The following FKBP10 variants were observed in gnomAD, a reference collection of about 807,000 sequenced individuals.
FKBP10 encodes the protein peptidyl-prolyl cis-trans isomerase FKBP10.
FKBP10 carries 34 observed loss-of-function variants against 53.7 expected under a neutral mutation model. The ratio of observed to expected loss-of-function variants is 0.63; its 90% CI spans 0.48 to 0.84. FKBP10 has a LOEUF of 0.84. FKBP10 is among the 40% of genes least tolerant of loss of function. FKBP10 has a pLI of 0.00. For synonymous variants in FKBP10, 324 were observed against 335.7 expected (o/e 0.97, Z 0.38); for missense variants, 748 against 797.8 (o/e 0.94, Z 0.75).
At position 41,819,396 on chromosome 17, in the gene FKBP10, C is replaced by G. The variant is rs782727657; in HGVS notation, c.914C>G (p.Ser305Cys). The change falls in exon 5 of 10, where the codon TCC (serine) becomes TGC (cysteine). Residue 305 changes from serine (S) to cysteine (C), a missense_variant. By Grantham distance (112) the Ser-to-Cys change is moderately radical. Coordinates refer to ENST00000321562, the MANE Select transcript of FKBP10 (RefSeq NM_021939.4). Reference sequence around the variant, plus strand: ...TTGATGGACGGCACCCTCTTCGATTCCAGGTCAGGAGGGTCTTGAGGTGGG... The same window carrying G: ...TTGATGGACGGCACCCTCTTCGATTGCAGGTCAGGAGGGTCTTGAGGTGGG... Reference protein sequence around the residue: ...GSLMDGTLFDSSYSRNHTYNT... With the variant: ...GSLMDGTLFDCSYSRNHTYNT... 2.5e-6 allele frequency: 4 copies of G among 1,614,032 alleles called. No individual in the cohort carries two copies. The highest frequency in any genetic ancestry group is 3.4e-6 in the Non-Finnish European group (4 of 1,179,972).
chr17:41,818,444 A>G lies in FKBP10; in HGVS notation c.644A>G (p.Asp215Gly), dbSNP rs1742300669. 1 of 1,614,040 alleles carries G rather than the reference A, an allele frequency of 6.2e-7. No individual in the cohort carries two copies. The highest frequency in any genetic ancestry group is 1.3e-5 in the African/African-American group (1 of 74,932). The change falls in exon 4 of 10, where the codon GAC becomes GGC. Residue 215 changes from aspartate to glycine, a missense_variant. Physicochemically the swap from Asp to Gly is moderately conservative, Grantham distance 94. Coordinates refer to ENST00000321562, the MANE Select transcript of FKBP10 (RefSeq NM_021939.4). ...VGSGWLIKGM[D>G]QGLLGMCPGE... ...TCTGGTTGGCTGATCAAGGGCATGG[A>G]CCAGGGGCTGCTGGGCATGTGTCCT... is the stretch of plus-strand genomic sequence containing the variant.
chr17:41,813,731 G>A (rs2047779468), intron 1 of FKBP10, among the ~76,000 whole-genome samples: 2 of 152,174 alleles, frequency 1.3e-5, no homozygotes, highest in African/African-American at 4.8e-5. Flanking sequence ...CAGAGAAGAG[G>A]GAATAGAACT....
chr17:41,818,471 G>T lies in FKBP10; in HGVS notation c.671G>T (p.Gly224Val). The T allele has an allele frequency of 2.5e-6, 4 of 1,614,232 alleles. No homozygotes were observed. The highest frequency in any genetic ancestry group is 3.4e-6 in the Non-Finnish European group (4 of 1,180,044). ...CAGGGGCTGCTGGGCATGTGTCCTG[G>T]AGAGAGAAGGAAGATTATCATCCCT... ...MDQGLLGMCPGERRKIIIPPF... is the reference protein window; with the variant it reads ...MDQGLLGMCPVERRKIIIPPF... The change falls in exon 4 of 10, where the codon GGA becomes GTA. Residue 224 changes from glycine (G) to valine (V), a missense_variant. Coordinates refer to ENST00000321562, the MANE Select transcript of FKBP10 (RefSeq NM_021939.4).
rs782455468 is a variant in FKBP10 at position 41,818,115 on chromosome 17, C to T, written c.418C>T (p.Leu140Phe). 16 of 1,613,030 alleles carry T rather than the reference C, an allele frequency of 9.9e-6. No homozygotes were observed. The highest frequency in any genetic ancestry group is 1.3e-5 in the Non-Finnish European group (15 of 1,179,630). ...GGGGCTCATTCCACCGGATGCCACC[C>T]TCTACTTCGATGTGGTTCTGCTGGA... ...LAGLIPPDATLYFDVVLLDVW... is the reference protein window; with the variant it reads ...LAGLIPPDATFYFDVVLLDVW... The change falls in exon 3 of 10, where the codon CTC becomes TTC. Residue 140 changes from leucine to phenylalanine, a missense_variant. Transcript: ENST00000321562.
At chr17:41,818,853 G>A in intron 4 of FKBP10, 1 of 422,238 alleles carries the variant, frequency 2.4e-6, no homozygotes, top group Non-Finnish European at 4.4e-6. Flanking sequence ...TACTCGGAGA[G>A]GCTGAGGCAG....
chr17:41,817,779 C>G lies in FKBP10; in HGVS notation c.392-310C>G, dbSNP rs748531106. On this transcript the variant is annotated intron_variant, in intron 2 of 9. Transcript: ENST00000321562. ...AATAGCTGGGACTACAGGTGCACAC[C>G]ACCACACGTGGCTAATTTTTTGTAT... Among the ~76,000 whole-genome samples the G allele has an allele frequency of 9.8e-4, 149 of 152,018 alleles. 1 individual carries two copies. The highest frequency in any genetic ancestry group is 1.7e-3 in the Non-Finnish European group (118 of 67,962).
chr17:41,821,136 T>C, intron 8 of FKBP10, 47 bp downstream of exon 8: 1 of 1,479,160 alleles, frequency 6.8e-7, no homozygotes, highest in Non-Finnish European at 9.0e-7. Context: ...TTTTTTTTTT[T>C]TTTTGAGATG....
intron 6 of FKBP10, chr17:41,820,024 G>A (rs1335457618): frequency 1.2e-5 from 18 of 1,482,254 alleles, no homozygotes; most frequent in Non-Finnish European, 1.4e-5. Context: ...GATCCGCAGG[G>A]TAAGTTACTG....
chr17:41,821,616 G>A (rs1555617100), intron 8 of FKBP10, 38 bp from the exon 9 acceptor site: 3 of 1,611,748 alleles, frequency 1.9e-6, no homozygotes, highest in Admixed American at 1.7e-5. Flanking sequence ...ACCCCGGCCT[G>A]ACTAGGACCC....
Sources: gnomAD v4.1 joint callset for allele counts (sites outside exome capture counted in the v4.1 genomes callset) on GRCh38, gnomAD v4.1.1 for gene constraint, MANE v1.5 for transcripts, NCBI Gene and HGNC (gene_info 2026-07-23, HGNC 2026-07-21) for gene names.